Variants in PCBP3 observed in about 807,000 individuals in gnomAD.
PCBP3 encodes poly(rC)-binding protein 3.
In PCBP3, 25 loss-of-function variants were observed where a neutral mutation model predicts 52.7. The ratio of observed to expected loss-of-function variants is 0.47; its 90% CI spans 0.35 to 0.66. The LOEUF (loss-of-function observed/expected upper bound fraction) is 0.66, where lower values mean the gene tolerates loss of function less well. Among genes scored for constraint, PCBP3 ranks in the 30% least tolerant of loss-of-function variants. PCBP3 has a pLI of 0.01. For missense variants in PCBP3, 391 were observed against 490.3 expected, an observed-to-expected ratio of 0.80 and a Z score of 1.91; for synonymous variants, 162 against 183.0, an observed-to-expected ratio of 0.89 and a Z score of 0.93.
At chr21:45,894,722 T>C (rs1603473990) in intron 5 of PCBP3, among the ~76,000 whole-genome samples, 1 of 152,200 alleles carries the variant, frequency 6.6e-6, no homozygotes, top group Non-Finnish European at 1.5e-5. Context: ...TAAATGTGCT[T>C]GTGGATGTTT....
At chr21:45,651,273 ACT>A (rs1438368185) in intron 1 of PCBP3, among the ~76,000 whole-genome samples, 2 of 151,938 alleles carry the variant, frequency 1.3e-5, no homozygotes, top group South Asian at 2.1e-4. Flanking sequence ...AGGGTGTTCG[ACT>A]CTATTTAAGG....
At chr21:45,815,280 GTGAGTGA>G (rs1472243221) in intron 4 of PCBP3, among the ~76,000 whole-genome samples, 1 of 74,614 alleles carries the variant, frequency 1.3e-5, no homozygotes, top group Admixed American at 1.1e-4. Context: ...GTGGTGAGTA[GTGAGTGA>G]TGAGTGGTGA....
rs530079713 is a variant in PCBP3 at position 45,666,481 on chromosome 21, C to G, written c.-278-2393C>G. On this transcript the variant is annotated intron_variant, in intron 1 of 17. Coordinates refer to ENST00000681687, the MANE Select transcript of PCBP3 (RefSeq NM_001384156.1). ...CATTCACCTGGATTTTCTGTACTAT[C>G]TAGTGTCCTTTAATTTAAGCCTGAA... 3.5e-4 allele frequency among the ~76,000 whole-genome samples: 53 copies of G among 152,204 alleles called. 2 individuals carry two copies. In the South Asian group the frequency reaches 9.7e-3, roughly 28 times the overall value.
chr21:45,807,804 A>G (rs2092556720), intron 4 of PCBP3, among the ~76,000 whole-genome samples: 1 of 152,144 alleles, frequency 6.6e-6, no homozygotes, highest in Non-Finnish European at 1.5e-5. Context: ...TTCAAACTAT[A>G]CTACAAGGCT....
At chr21:45,868,599 G>A (rs994646462) in intron 5 of PCBP3, among the ~76,000 whole-genome samples, 9 of 152,110 alleles carry the variant, frequency 5.9e-5, no homozygotes, top group Non-Finnish European at 1.2e-4. Flanking sequence ...TGCCTGCCCA[G>A]CTCCCTGCTT....
At chr21:45,914,367 C>A (rs924676735) in intron 12 of PCBP3, 16 of 492,388 alleles carry the variant, frequency 3.2e-5, no homozygotes, top group Non-Finnish European at 5.7e-5. Flanking sequence ...TTACGTCTCA[C>A]GTTGGAAACA....
At chr21:45,652,385 TAA>T (rs2079742947) in intron 1 of PCBP3, among the ~76,000 whole-genome samples, 1 of 151,790 alleles carries the variant, frequency 6.6e-6, no homozygotes, top group Admixed American at 6.6e-5. Context: ...GACTACTATT[TAA>T]ACATAACTTG....
rs186499162 is a variant in PCBP3 at position 45,867,490 on chromosome 21, C to T, written c.10+17395C>T. Among the ~76,000 whole-genome samples, 6 of 152,376 alleles carry T rather than the reference C, an allele frequency of 3.9e-5. No individual in the cohort carries two copies. In the East Asian group the frequency reaches 1.2e-3, roughly 29 times the overall value. ...CTGCTACCCCTGCTACCCGCATTCACCGCACGCGGAGGGTGCGGGCCGTGA... is the reference window on the plus strand; with the variant it reads ...CTGCTACCCCTGCTACCCGCATTCATCGCACGCGGAGGGTGCGGGCCGTGA... On this transcript the variant is annotated intron_variant, in intron 5 of 17. Coordinates refer to ENST00000681687, the MANE Select transcript of PCBP3 (RefSeq NM_001384156.1).
chr21:45,742,250 G>A (rs139121509), intron 3 of PCBP3, among the ~76,000 whole-genome samples: 151 of 152,288 alleles, frequency 9.9e-4, no homozygotes, highest in African/African-American at 3.5e-3. Flanking sequence ...TTTAAAAGAG[G>A]CATAATGTGT....
intron 9 of PCBP3, among the ~76,000 whole-genome samples, chr21:45,903,567 TG>T (rs1314817539): frequency 6.6e-6 from 1 of 152,132 alleles, no homozygotes; most frequent in Non-Finnish European, 1.5e-5. Flanking sequence ...GGTTACTGTT[TG>T]GGATAATCAA....
chr21:45,663,325 T>G (rs1434620664), intron 1 of PCBP3, among the ~76,000 whole-genome samples: 1 of 151,700 alleles, frequency 6.6e-6, no homozygotes, highest in Non-Finnish European at 1.5e-5. Context: ...AGCCTGGCAT[T>G]CGGGGCCACT....
intron 4 of PCBP3, among the ~76,000 whole-genome samples, chr21:45,838,606 T>G (rs187466811): frequency 1.3e-5 from 2 of 152,336 alleles, no homozygotes; most frequent in Non-Finnish European, 2.9e-5. Context: ...ACTTAAAAAT[T>G]TAAAACTTAT....
At chr21:45,865,984 T>C (rs1046692791) in intron 5 of PCBP3, among the ~76,000 whole-genome samples, 2 of 152,296 alleles carry the variant, frequency 1.3e-5, no homozygotes, top group East Asian at 1.9e-4. Flanking sequence ...GACTGGACCA[T>C]CTGTGGGCAG....
rs180834430 is a variant in PCBP3 at position 45,727,175 on chromosome 21, A to G, written c.-199-8217A>G. 2.8e-3 allele frequency among the ~76,000 whole-genome samples: 434 copies of G among 152,304 alleles called. 3 individuals carry two copies. The highest frequency in any genetic ancestry group is 2.3e-3 in the Non-Finnish European group (157 of 68,018). ...TTTGACTATTACATTTAAGTCTATG[A>G]TCCATTTTGAATTAACTCTATATTG... On this transcript the variant is annotated intron_variant, in intron 2 of 17. Transcript: ENST00000681687.
Position 45,901,337 on chromosome 21 carries a change from G to C in PCBP3, c.339+224G>C, listed in dbSNP as rs73382578. 3 of 505,992 alleles carry C rather than the reference G, an allele frequency of 5.9e-6. No homozygotes were observed. In the Admixed American group the frequency reaches 9.7e-5, roughly 16 times the overall value. 31.3% of individuals were successfully genotyped at this position (505,992 alleles called of 1,614,324 possible). On this transcript the variant is annotated intron_variant, in intron 9 of 17. Transcript: ENST00000681687. ...CATCCTTCTGAAGCCAGCTACTCCC[G>C]GCTGTATGCCTTAGGTCCACCTCCC... is the stretch of plus-strand genomic sequence containing the variant.
At chr21:45,812,162 T>G (rs1290200914) in intron 4 of PCBP3, among the ~76,000 whole-genome samples, 1 of 152,198 alleles carries the variant, frequency 6.6e-6, no homozygotes, top group African/African-American at 2.4e-5. Flanking sequence ...TGCCATATAA[T>G]TAACTTCTGC....
At chr21:45,860,963 G>A (rs572106407) in intron 5 of PCBP3, among the ~76,000 whole-genome samples, 5 of 152,298 alleles carry the variant, frequency 3.3e-5, no homozygotes, top group East Asian at 1.9e-4. Context: ...GAGCAGGGCC[G>A]CTCTGTACCT....
intron 2 of PCBP3, among the ~76,000 whole-genome samples, chr21:45,685,483 G>T (rs2082097347): frequency 1.3e-5 from 2 of 152,158 alleles, no homozygotes; most frequent in South Asian, 4.1e-4. Flanking sequence ...TGCCCATGGT[G>T]GAGTAACCAG....
intron 4 of PCBP3, among the ~76,000 whole-genome samples, chr21:45,815,402 G>C (rs1479297106): frequency 2.0e-5 from 2 of 100,228 alleles, no homozygotes; most frequent in African/African-American, 4.1e-5. Context: ...TGAGTGGTGA[G>C]TGAGTGGTGA....
Sources: allele counts gnomAD v4.1 joint callset (sites outside exome capture counted in the v4.1 genomes callset), GRCh38; gene constraint gnomAD v4.1.1; transcripts MANE v1.5; gene names NCBI Gene and HGNC (gene_info 2026-07-23, HGNC 2026-07-21).